MYO15B: variants seen among roughly 807,000 people sequenced by gnomAD.
MYO15B encodes the protein myosin XVB pseudogene.
A neutral mutation model predicts 119.3 loss-of-function variants in MYO15B; 207 were observed. The ratio of observed to expected loss-of-function variants is 1.73; its 90% CI spans 1.55 to 1.95. The LOEUF is 1.95. Among genes scored for constraint, MYO15B ranks in the 30% most tolerant of loss-of-function variants. The probability of loss-of-function intolerance (pLI) is 0.00; values close to 1 mark genes in which losing one functional copy is unlikely to be tolerated. For synonymous variants in MYO15B, 966 were observed against 498.9 expected, an observed-to-expected ratio of 1.94 and a Z score of -12.48; for missense variants, 2,264 against 1,203.1, an observed-to-expected ratio of 1.88 and a Z score of -13.04.
chr17:75,619,677 G>A lies in MYO15B; in HGVS notation c.7183-4G>A. ...ACTGCCCGAGACCCACCACCTTCCT[G>A]TAGGGCGAGAGTGGCAGCGACGTGC... On this transcript the variant is annotated splice_polypyrimidine_tract_variant and splice_region_variant and intron_variant, in intron 45 of 63. Coordinates refer to ENST00000645453, the Ensembl canonical transcript of MYO15B. 1 of 702,908 alleles carries A rather than the reference G, an allele frequency of 1.4e-6. No homozygotes were observed. The highest frequency in any genetic ancestry group is 2.6e-6 in the Non-Finnish European group (1 of 384,970). The allele number at this position is 702,908 out of a possible 1,614,324, so 43.5% of individuals were successfully genotyped here.
chr17:75,593,114 C>CT, intron 9 of MYO15B: 1 of 272,684 alleles, frequency 3.7e-6, no homozygotes, highest in Non-Finnish European at 6.7e-6. Flanking sequence ...GATCCCAGCA[C>CT]TTTGGGAGGC....
intron 21 of MYO15B, chr17:75,607,038 C>T (rs1390617290): frequency 7.5e-6 from 3 of 398,272 alleles, no homozygotes; most frequent in Non-Finnish European, 1.3e-5. Context: ...ACGGGGCCTC[C>T]CAGGCTGGTT....
exon 51 of MYO15B, chr17:75,621,359 A>G: frequency 1.4e-6 from 1 of 701,200 alleles, no homozygotes; most frequent in South Asian, 1.5e-5. Context: ...GGCCAGACTG[A>G]TGGAGGTGCC....
intron 14 of MYO15B, among the ~76,000 whole-genome samples, chr17:75,599,483 T>C (rs981991955): frequency 6.6e-6 from 1 of 151,670 alleles, no homozygotes; most frequent in African/African-American, 2.4e-5. Flanking sequence ...GAGACGGGGT[T>C]TCACCATGTT....
chr17:75,601,808 A>T (rs1406218586), intron 15 of MYO15B, among the ~76,000 whole-genome samples: 4 of 152,234 alleles, frequency 2.6e-5, no homozygotes, highest in Non-Finnish European at 5.9e-5. Flanking sequence ...GAGCACAAGC[A>T]TGGGACCTGA....
exon 63 of MYO15B, chr17:75,626,169 C>T (rs111581912): frequency 5.7e-6 from 4 of 702,946 alleles, no homozygotes; most frequent in Non-Finnish European, 1.0e-5. Context: ...GCCCCCTGGC[C>T]TGGAAGTCAA....
In MYO15B at chr17:75,617,077, C is replaced by T; in HGVS notation, c.6595-8C>T. 1 of 682,810 alleles carries T rather than the reference C, an allele frequency of 1.5e-6. No homozygotes were observed. The highest frequency in any genetic ancestry group is 2.7e-6 in the Non-Finnish European group (1 of 371,504). 42.3% of individuals were successfully genotyped at this position (682,810 alleles called of 1,614,324 possible). The stretch of plus-strand genomic sequence containing the variant: ...CTCAGCCCGTGTACTTTCTCCGTAT[C>T]CCCCCAGATGCTGTCCCCCAGCCCA... On this transcript the variant is annotated splice_polypyrimidine_tract_variant and splice_region_variant and intron_variant, in intron 40 of 63. Coordinates refer to ENST00000645453, the Ensembl canonical transcript of MYO15B.
At chr17:75,612,732 C>T (rs533487930) in intron 25 of MYO15B, 66 bp from the exon 26 acceptor site, 46 of 697,948 alleles carry the variant, frequency 6.6e-5, no homozygotes, top group Admixed American at 4.3e-4. Flanking sequence ...GTGCCTGCTC[C>T]GGTGGGGCTC....
intron 29 of MYO15B, 104 bp from the exon 30 acceptor site, chr17:75,614,095 G>A: frequency 1.6e-6 from 1 of 643,302 alleles, no homozygotes; most frequent in South Asian, 1.7e-5. Context: ...GCGGATCCAG[G>A]GCCACCCTCC....
At position 75,591,257 on chromosome 17, in the gene MYO15B, G is replaced by A. The variant is rs763384129; in HGVS notation, c.2435+11G>A. On this transcript the variant is annotated intron_variant, in intron 4 of 63. Coordinates refer to ENST00000645453, the Ensembl canonical transcript of MYO15B. The stretch of plus-strand genomic sequence containing the variant: ...ATGCATCCTCCTGTGGTGAGTGGTG[G>A]CCTTCCTGGGTGGCTGAACCCATGG... 7.1e-6 allele frequency: 5 copies of A among 702,716 alleles called. No individual in the cohort carries two copies. The highest frequency in any genetic ancestry group is 5.9e-5 in the South Asian group (4 of 67,594). The allele number at this position is 702,716 out of a possible 1,614,324, so 43.5% of individuals were successfully genotyped here.
chr17:75,588,889 G>A (rs546560208), exon 1 of MYO15B: 3 of 398,480 alleles, frequency 7.5e-6, no homozygotes, highest in African/African-American at 2.1e-5. Flanking sequence ...GGCCAAGGAC[G>A]CGAGCGACAA....
At chr17:75,622,106 G>T (rs1435960775) in intron 53 of MYO15B, 26 bp downstream of exon 53, 1 of 702,592 alleles carries the variant, frequency 1.4e-6, no homozygotes, top group Admixed American at 2.0e-5. Context: ...GCGACCCCCA[G>T]CGCCTGTGCC....
chr17:75,590,333 C>T (rs996820671), intron 1 of MYO15B, 90 bp downstream of exon 1: 5 of 398,618 alleles, frequency 1.3e-5, no homozygotes, highest in Non-Finnish European at 2.2e-5. Flanking sequence ...CGTGTAGACC[C>T]TTATTGAATC....
chr17:75,589,154 G>C lies in MYO15B; in HGVS notation c.1097G>C (p.Arg366Pro), dbSNP rs976438162. 5.1e-6 allele frequency: 2 copies of C among 391,792 alleles called. No individual in the cohort carries two copies. The highest frequency in any genetic ancestry group is 9.0e-6 in the Non-Finnish European group (2 of 221,674). The allele number at this position is 391,792 out of a possible 1,614,324, so 24.3% of individuals were successfully genotyped here. A position where few individuals can be genotyped will look rare whatever the true frequency, so the allele number is the denominator to read the frequency against. The change falls in exon 1 of 64, where the codon CGG becomes CCG. Residue 366 changes from arginine to proline, a missense_variant. By Grantham distance (103) the Arg-to-Pro change is moderately radical. Coordinates refer to ENST00000645453, the Ensembl canonical transcript of MYO15B. This position sits in a 1 kb window ranked among gnomAD's most constrained non-coding sequence, Gnocchi z 4.2. The stretch of plus-strand genomic sequence containing the variant: ...CCCCGCCGCGCTGGCCTCAAGGAGC[G>C]GCTCCTGAGTGTAGCGCGAGCCCTG...
rs1185619341 is a variant in MYO15B at position 75,619,790 on chromosome 17, G to A, written c.7292G>A (p.Cys2431Tyr). The A allele has an allele frequency of 7.1e-6, 5 of 702,868 alleles. 1 individual carries two copies. The highest frequency in any genetic ancestry group is 2.3e-4 in the Middle Eastern group (1 of 4,370). 43.5% of individuals were successfully genotyped at this position (702,868 alleles called of 1,614,324 possible). A position where few individuals can be genotyped will look rare whatever the true frequency, so the allele number is the denominator to read the frequency against. The change falls in exon 46 of 64, where the codon TGC becomes TAC. Residue 2431 changes from cysteine to tyrosine, a missense_variant. Cys to Tyr is a radical substitution (Grantham distance 194, BLOSUM62 -2). Transcript: ENST00000645453. Reference sequence around the variant, plus strand: ...CGCCCCGACCAGCTGAAGATTCTCTGCTCATACAGGTGCGCTAGCCCACGA... The same window carrying A: ...CGCCCCGACCAGCTGAAGATTCTCTACTCATACAGGTGCGCTAGCCCACGA...
chr17:75,620,251 C>G (rs564893205), exon 48 of MYO15B: 10 of 702,554 alleles, frequency 1.4e-5, no homozygotes, highest in Non-Finnish European at 2.3e-5. Context: ...CACAGGACTC[C>G]GGCTATGTCA....
At position 75,592,226 on chromosome 17, in the gene MYO15B, C is replaced by T. The variant is rs1849109639; in HGVS notation, c.2652-12C>T. ...CATCCTGGGCACTCACACCCATCTT[C>T]TGTGCCCACAGAGGGGTCATCGTGG... is the stretch of plus-strand genomic sequence containing the variant. On this transcript the variant is annotated splice_polypyrimidine_tract_variant and intron_variant, in intron 6 of 63. Coordinates refer to ENST00000645453, the Ensembl canonical transcript of MYO15B. 1.4e-6 allele frequency: 1 copy of T among 702,622 alleles called. No homozygotes were observed. The highest frequency in any genetic ancestry group is 2.6e-6 in the Non-Finnish European group (1 of 384,896). 43.5% of individuals were successfully genotyped at this position (702,622 alleles called of 1,614,324 possible).
At chr17:75,617,142 G>A in exon 41 of MYO15B, 1 of 686,338 alleles carries the variant, frequency 1.5e-6, no homozygotes, top group Non-Finnish European at 2.7e-6. Flanking sequence ...TCGACCCAAG[G>A]CCCCGCTACA....
chr17:75,621,998 C>T lies in MYO15B; in HGVS notation c.8006-6C>T, dbSNP rs552375135. 2 of 702,978 alleles carry T rather than the reference C, an allele frequency of 2.8e-6. No individual in the cohort carries two copies. The highest frequency in any genetic ancestry group is 3.5e-5 in the African/African-American group (2 of 57,394). The allele number at this position is 702,978 out of a possible 1,614,324, so 43.5% of individuals were successfully genotyped here. A position where few individuals can be genotyped will look rare whatever the true frequency, so the allele number is the denominator to read the frequency against. Reference sequence around the variant, plus strand: ...CTATGTGCCCTGTTTCTTATCGTGCCTGCAGCCCTGATGCGGTTTATGGGT... The same window carrying T: ...CTATGTGCCCTGTTTCTTATCGTGCTTGCAGCCCTGATGCGGTTTATGGGT... On this transcript the variant is annotated splice_polypyrimidine_tract_variant and splice_region_variant and intron_variant, in intron 52 of 63. Coordinates refer to ENST00000645453, the Ensembl canonical transcript of MYO15B.
Sources: gnomAD v4.1 joint callset for allele counts (sites outside exome capture counted in the v4.1 genomes callset) on GRCh38, gnomAD v4.1.1 for gene constraint, Gnocchi (gnomAD v3.1) non-coding constraint, MANE v1.5 for transcripts, NCBI Gene and HGNC (gene_info 2026-07-23, HGNC 2026-07-21) for gene names.